The following CNTNAP5 variants were observed in gnomAD, a reference collection of about 807,000 sequenced individuals.
CNTNAP5 encodes contactin associated protein family member 5, also known as contactin-associated protein-like 5.
A neutral mutation model predicts 150.2 loss-of-function variants in CNTNAP5; 72 were observed. The observed-to-expected ratio is 0.48, with a 90% CI of 0.40 to 0.58. The LOEUF (loss-of-function observed/expected upper bound fraction) is 0.58. Ranked by LOEUF, CNTNAP5 falls within the 20% of genes least tolerant of loss-of-function variation. The pLI is 0.00. For synonymous variants in CNTNAP5, 672 were observed against 619.8 expected (o/e 1.08, Z -1.25); for missense variants, 1,636 against 1,626.2 (o/e 1.01, Z -0.10).
chr2:124,447,299 A>T (rs1424573479), intron 6 of CNTNAP5, among the ~76,000 whole-genome samples: 2 of 152,114 alleles, frequency 1.3e-5, no homozygotes, highest in Non-Finnish European at 2.9e-5. Context: ...AAAGATATTT[A>T]CATTATAAAC....
At chr2:124,205,237 G>A (rs184218017) in intron 1 of CNTNAP5, among the ~76,000 whole-genome samples, 1 of 152,146 alleles carries the variant, frequency 6.6e-6, no homozygotes, top group Non-Finnish European at 1.5e-5. Context: ...TCATGACAAT[G>A]AGTGAGTTCT....
In CNTNAP5 at chr2:124,181,709, A is replaced by G. The variant is rs570647940; in HGVS notation, c.83-39996A>G. Among the ~76,000 whole-genome samples, 7 of 152,290 alleles carry G rather than the reference A, an allele frequency of 4.6e-5. No individual in the cohort carries two copies. In the East Asian group the frequency reaches 1.3e-3, roughly 29 times the overall value. On this transcript the variant is annotated intron_variant, in intron 1 of 23. Coordinates refer to ENST00000682447, the MANE Select transcript of CNTNAP5 (RefSeq NM_001367498.1). The stretch of plus-strand genomic sequence containing the variant: ...TTTTATGTGTGCTATTTCTTCCTTA[A>G]CTAACAAATAGAAATCATGTATCTC...
chr2:124,167,846 C>T (rs1194411406), intron 1 of CNTNAP5, among the ~76,000 whole-genome samples: 2 of 152,174 alleles, frequency 1.3e-5, no homozygotes, highest in Non-Finnish European at 2.9e-5. Flanking sequence ...AAGTAGGATC[C>T]CAAGTGGTGC....
intron 3 of CNTNAP5, among the ~76,000 whole-genome samples, chr2:124,263,804 C>A (rs1256361426): frequency 6.6e-6 from 1 of 152,126 alleles, no homozygotes; most frequent in Non-Finnish European, 1.5e-5. Flanking sequence ...AGTCTTTAAT[C>A]CATCTTGAAT....
At position 124,713,066 on chromosome 2, in the gene CNTNAP5, A is replaced by G. The variant is rs1228947192; in HGVS notation, c.2078-34163A>G. Reference sequence around the variant, plus strand: ...AGAAGTGGAGGTCACACACATTTAGACCACAGCATTTGGCTACCAAGCATC... The same window carrying G: ...AGAAGTGGAGGTCACACACATTTAGGCCACAGCATTTGGCTACCAAGCATC... On this transcript the variant is annotated intron_variant, in intron 13 of 23. Transcript: ENST00000682447. Among the ~76,000 whole-genome samples, 4 of 152,196 alleles carry G rather than the reference A, an allele frequency of 2.6e-5. No individual in the cohort carries two copies. The East Asian group carries it at 7.8e-4, about 30-fold the overall frequency.
At chr2:124,047,859 C>A (rs936352975) in intron 1 of CNTNAP5, among the ~76,000 whole-genome samples, 1 of 152,132 alleles carries the variant, frequency 6.6e-6, no homozygotes, top group Non-Finnish European at 1.5e-5. Context: ...TGCCTTCATG[C>A]CACTTAGACC....
intron 21 of CNTNAP5, among the ~76,000 whole-genome samples, chr2:124,886,597 G>T (rs1316304219): frequency 1.3e-5 from 2 of 152,008 alleles, no homozygotes; most frequent in African/African-American, 2.4e-5. Context: ...CCAATTTGCT[G>T]ACCCAAATTG....
At chr2:124,097,626 T>C (rs1382805846) in intron 1 of CNTNAP5, among the ~76,000 whole-genome samples, 3 of 152,134 alleles carry the variant, frequency 2.0e-5, no homozygotes, top group African/African-American at 4.8e-5. Context: ...TGTTTCCCTA[T>C]GCTCTACTTG....
intron 14 of CNTNAP5, among the ~76,000 whole-genome samples, chr2:124,758,136 C>A (rs1377182787): frequency 6.6e-6 from 1 of 151,886 alleles, no homozygotes; most frequent in Non-Finnish European, 1.5e-5. Context: ...AAACTGAGTC[C>A]GGCAGCATGA....
At chr2:124,472,673 G>T (rs190359254) in intron 6 of CNTNAP5, among the ~76,000 whole-genome samples, 1 of 151,526 alleles carries the variant, frequency 6.6e-6, no homozygotes, top group Admixed American at 6.6e-5. Flanking sequence ...TAATCAAGTC[G>T]CACAAAGTTT....
At chr2:124,384,071 C>T (rs1690869244) in intron 3 of CNTNAP5, among the ~76,000 whole-genome samples, 1 of 152,072 alleles carries the variant, frequency 6.6e-6, no homozygotes, top group African/African-American at 2.4e-5. Context: ...ATTGAGTTTG[C>T]AGATGTATAA....
chr2:124,525,449 T>C (rs1029805193), intron 9 of CNTNAP5, among the ~76,000 whole-genome samples: 1 of 152,224 alleles, frequency 6.6e-6, no homozygotes, highest in Non-Finnish European at 1.5e-5. Context: ...GGGTCTGGTC[T>C]ACAGTTTCCT....
intron 3 of CNTNAP5, among the ~76,000 whole-genome samples, chr2:124,249,376 C>G (rs910074783): frequency 2.0e-5 from 3 of 152,106 alleles, no homozygotes; most frequent in Admixed American, 1.3e-4. Flanking sequence ...AGCCAGGCAC[C>G]CTTTTAAGTC....
At chr2:124,806,143 T>C (rs1682075916) in intron 19 of CNTNAP5, among the ~76,000 whole-genome samples, 1 of 152,204 alleles carries the variant, frequency 6.6e-6, no homozygotes, top group African/African-American at 2.4e-5. Context: ...TTAAGATTAA[T>C]ATACAATTCA....
At position 124,328,776 on chromosome 2, in the gene CNTNAP5, T is replaced by A. The variant is rs74524721; in HGVS notation, c.381+86383T>A. ...GAGGTCTAAAGGGGGTAGTTTTTTATCCTGATCAGGTGAAAATTAAAATCT... is the reference window on the plus strand; with the variant it reads ...GAGGTCTAAAGGGGGTAGTTTTTTAACCTGATCAGGTGAAAATTAAAATCT... On this transcript the variant is annotated intron_variant, in intron 3 of 23. Coordinates refer to ENST00000682447, the MANE Select transcript of CNTNAP5 (RefSeq NM_001367498.1). 6.0e-4 allele frequency among the ~76,000 whole-genome samples: 92 copies of A among 152,266 alleles called. 2 individuals are homozygous for A. The East Asian group carries it at 0.015, about 24-fold the overall frequency.
At chr2:124,908,021 G>T (rs1056963879) in intron 22 of CNTNAP5, among the ~76,000 whole-genome samples, 4 of 151,854 alleles carry the variant, frequency 2.6e-5, no homozygotes, top group Admixed American at 2.6e-4. Context: ...GGTTAATAAT[G>T]TTAAAAGTAG....
At chr2:124,162,594 T>C (rs1684709378) in intron 1 of CNTNAP5, among the ~76,000 whole-genome samples, 1 of 152,168 alleles carries the variant, frequency 6.6e-6, no homozygotes, top group South Asian at 2.1e-4. Context: ...ACATGATTCC[T>C]TCTCTTTATT....
intron 21 of CNTNAP5, among the ~76,000 whole-genome samples, chr2:124,871,950 T>G (rs2104727839): frequency 6.6e-6 from 1 of 152,100 alleles, no homozygotes; most frequent in Non-Finnish European, 1.5e-5. Flanking sequence ...TACTCAATTC[T>G]TCTAGATCTA....
In CNTNAP5 at chr2:124,486,332, A is replaced by G. The variant is rs550733663; in HGVS notation, c.1062+11450A>G. On this transcript the variant is annotated intron_variant, in intron 7 of 23. Coordinates refer to ENST00000682447, the MANE Select transcript of CNTNAP5 (RefSeq NM_001367498.1). Reference sequence around the variant, plus strand: ...GTGGCTGGAGGGTGAGGGATAAAAGACTACAAACTGTGTGCAGTGTACACT... The same window carrying G: ...GTGGCTGGAGGGTGAGGGATAAAAGGCTACAAACTGTGTGCAGTGTACACT... 9.1e-4 allele frequency among the ~76,000 whole-genome samples: 138 copies of G among 152,256 alleles called. 3 individuals carry two copies. Among genetic ancestry groups the G allele is most frequent in the South Asian group, 2.3e-3 (11 of 4,830 alleles).
Sources: gnomAD v4.1 joint callset for allele counts (sites outside exome capture counted in the v4.1 genomes callset) on GRCh38, gnomAD v4.1.1 for gene constraint, MANE v1.5 for transcripts, NCBI Gene and HGNC (gene_info 2026-07-23, HGNC 2026-07-21) for gene names.